FAM117B: variants seen among roughly 807,000 people sequenced by gnomAD.
FAM117B encodes the protein protein FAM117B.
In FAM117B, 22 loss-of-function variants were observed where a neutral mutation model predicts 52.8. The ratio of observed to expected loss-of-function variants is 0.42; its 90% CI spans 0.30 to 0.59. FAM117B has a LOEUF of 0.59. Ranked by LOEUF, FAM117B falls within the 20% of genes least tolerant of loss-of-function variation. FAM117B has a pLI of 0.22. For missense variants in FAM117B, 678 were observed against 802.6 expected (o/e 0.84, Z 1.88); for synonymous variants, 309 against 324.1 (o/e 0.95, Z 0.50).
At chr2:202,735,369 C>T (rs1467444057) in intron 4 of FAM117B, among the ~76,000 whole-genome samples, 2 of 152,130 alleles carry the variant, frequency 1.3e-5, no homozygotes, top group Non-Finnish European at 2.9e-5. Context: ...GGAAATTAAT[C>T]TCTTAACATT....
At chr2:202,742,010 T>TG (rs951703028) in intron 4 of FAM117B, among the ~76,000 whole-genome samples, 2 of 152,196 alleles carry the variant, frequency 1.3e-5, no homozygotes, top group African/African-American at 4.8e-5. Flanking sequence ...ACAATCTACA[T>TG]GGGGAAAATT....
chr2:202,698,300 C>G (rs1690744585), intron 2 of FAM117B, among the ~76,000 whole-genome samples: 1 of 152,196 alleles, frequency 6.6e-6, no homozygotes, highest in African/African-American at 2.4e-5. Flanking sequence ...GAAACGGAAT[C>G]CTACTGTTAG....
intron 1 of FAM117B, among the ~76,000 whole-genome samples, chr2:202,653,723 G>GTT (rs1251523031): frequency 6.6e-6 from 1 of 151,984 alleles, no homozygotes; most frequent in Non-Finnish European, 1.5e-5. Flanking sequence ...TTGTTAACCC[G>GTT]TTTTTCTTCA....
At chr2:202,691,313 G>T (rs903908218) in intron 1 of FAM117B, among the ~76,000 whole-genome samples, 1 of 152,060 alleles carries the variant, frequency 6.6e-6, no homozygotes, top group Admixed American at 6.6e-5. Context: ...CAGCTACTTG[G>T]GAGGCTGAGG....
At chr2:202,763,539 CATT>C (rs1691930972) in intron 7 of FAM117B, among the ~76,000 whole-genome samples, 1 of 151,998 alleles carries the variant, frequency 6.6e-6, no homozygotes, top group African/African-American at 2.4e-5. Flanking sequence ...AAATTTAAGG[CATT>C]ATTTAATTAT....
chr2:202,695,493 C>T (rs1053771028), intron 1 of FAM117B, among the ~76,000 whole-genome samples: 11 of 152,084 alleles, frequency 7.2e-5, no homozygotes, highest in Non-Finnish European at 1.5e-4. Context: ...CCCTCTCAAT[C>T]GTTGGATTGA....
At chr2:202,684,439 T>C (rs890162228) in intron 1 of FAM117B, among the ~76,000 whole-genome samples, 3 of 152,220 alleles carry the variant, frequency 2.0e-5, no homozygotes, top group African/African-American at 7.2e-5. Context: ...TTGTCCAATA[T>C]ATACATTCCC....
intron 1 of FAM117B, among the ~76,000 whole-genome samples, chr2:202,655,977 G>A (rs1690050919): frequency 6.6e-6 from 1 of 152,090 alleles, no homozygotes; most frequent in Non-Finnish European, 1.5e-5. Context: ...TGAGGAATGA[G>A]CTTTGGTAGA....
intron 1 of FAM117B, among the ~76,000 whole-genome samples, chr2:202,660,120 G>C (rs1253494686): frequency 6.6e-6 from 1 of 151,814 alleles, no homozygotes; most frequent in Non-Finnish European, 1.5e-5. Context: ...GTATGAAAAT[G>C]TTTATCTTTT....
At chr2:202,676,649 A>T (rs900245998) in intron 1 of FAM117B, among the ~76,000 whole-genome samples, 14 of 152,146 alleles carry the variant, frequency 9.2e-5, no homozygotes, top group African/African-American at 3.4e-4. Context: ...AAGTGCTGGG[A>T]TTACAGATGT....
At chr2:202,707,215 A>ATT (rs371933346) in intron 2 of FAM117B, among the ~76,000 whole-genome samples, 4 of 144,392 alleles carry the variant, frequency 2.8e-5, no homozygotes, top group Non-Finnish European at 3.0e-5. Flanking sequence ...CTAATTTTTA[A>ATT]TTTTTTTTTT....
intron 1 of FAM117B, among the ~76,000 whole-genome samples, chr2:202,668,766 A>G (rs1434637100): frequency 6.6e-6 from 1 of 152,124 alleles, no homozygotes; most frequent in Admixed American, 6.6e-5. Flanking sequence ...TGCATGTCTC[A>G]TGCATTAAAT....
intron 6 of FAM117B, 43 bp downstream of exon 6, chr2:202,757,481 C>A: frequency 1.9e-6 from 3 of 1,544,352 alleles, no homozygotes; most frequent in Non-Finnish European, 2.7e-6. Flanking sequence ...TAATGGAATA[C>A]CTCCTCTTGT....
In FAM117B at chr2:202,765,651, G is replaced by T; in HGVS notation, c.1657G>T (p.Ala553Ser). 6.2e-7 allele frequency: 1 copy of T among 1,614,130 alleles called. No individual in the cohort carries two copies. Among genetic ancestry groups the T allele is most frequent in the South Asian group, 1.1e-5 (1 of 91,084 alleles). ...CACTCTGCTGCAGCCTATTGCTGTG[G>T]CCTCCCTGTCTACAAACACAGAGCA... ...TTTLLQPIAVASLSTNTEQDR... is the reference protein window; with the variant it reads ...TTTLLQPIAVSSLSTNTEQDR... The change falls in exon 8 of 8, where the codon GCC becomes TCC. Residue 553 changes from alanine (A) to serine (S), a missense_variant. Ala to Ser is a moderately conservative substitution (Grantham distance 99, BLOSUM62 1). Transcript: ENST00000392238.
At chr2:202,736,202 A>T (rs540650699) in intron 4 of FAM117B, among the ~76,000 whole-genome samples, 17 of 152,336 alleles carry the variant, frequency 1.1e-4, no homozygotes, top group African/African-American at 4.1e-4. Flanking sequence ...CATGAATGTT[A>T]TTTAATTTTT....
intron 7 of FAM117B, among the ~76,000 whole-genome samples, chr2:202,759,638 A>G (rs1691855085): frequency 6.6e-6 from 1 of 151,206 alleles, no homozygotes. Context: ...GCTCACTGCA[A>G]TCTCTGCCTC....
intron 2 of FAM117B, among the ~76,000 whole-genome samples, chr2:202,721,913 T>A (rs187899521): frequency 8.5e-5 from 13 of 152,108 alleles, no homozygotes; most frequent in Admixed American, 8.5e-4. Flanking sequence ...GGATTAGCCA[T>A]GCATAAGCAT....
At chr2:202,680,358 A>G (rs957655805) in intron 1 of FAM117B, among the ~76,000 whole-genome samples, 1 of 152,338 alleles carries the variant, frequency 6.6e-6, no homozygotes, top group African/African-American at 2.4e-5. Flanking sequence ...AACATGGCAC[A>G]TGTATACATA....
At chr2:202,641,998 AGTG>A (rs1689777458) in intron 1 of FAM117B, among the ~76,000 whole-genome samples, 1 of 144,312 alleles carries the variant, frequency 6.9e-6, no homozygotes, top group African/African-American at 2.6e-5. Context: ...GCTGGAGTGC[AGTG>A]GTGTGATCTC....
Sources: allele counts gnomAD v4.1 joint callset (sites outside exome capture counted in the v4.1 genomes callset), GRCh38; gene constraint gnomAD v4.1.1; transcripts MANE v1.5; gene names NCBI Gene and HGNC (gene_info 2026-07-23, HGNC 2026-07-21).